Variants in QTMAN observed in about 807,000 individuals in gnomAD.
QTMAN encodes the protein tRNA-queuosine alpha-mannosyltransferase.
chr2:144,206,951 A>G, the QTMAN span, among the ~76,000 whole-genome samples: 1 of 152,208 alleles, frequency 6.6e-6, no homozygotes, highest in South Asian at 2.1e-4. Flanking sequence ...CATAAAGTCA[A>G]CTGGATTACT....
chr2:144,008,216 C>T, the QTMAN span, among the ~76,000 whole-genome samples: 170 of 151,996 alleles, frequency 1.1e-3, 1 homozygote, highest in African/African-American at 4.0e-3. Context: ...AGGAGCTCAC[C>T]GTCTATTGGA....
chr2:144,274,786 C>A, the QTMAN span, among the ~76,000 whole-genome samples: 1 of 152,150 alleles, frequency 6.6e-6, no homozygotes, highest in Admixed American at 6.5e-5. Flanking sequence ...GCCCTCCTAG[C>A]AAATTAAACC....
At chr2:144,170,998 G>A in the QTMAN span, among the ~76,000 whole-genome samples, 3 of 152,120 alleles carry the variant, frequency 2.0e-5, no homozygotes, top group Non-Finnish European at 4.4e-5. Context: ...GACTGAGGCT[G>A]AAAGGGCTGA....
the QTMAN span, among the ~76,000 whole-genome samples, chr2:144,032,380 C>T: frequency 6.6e-6 from 1 of 152,192 alleles, no homozygotes; most frequent in African/African-American, 2.4e-5. Flanking sequence ...ATAGTCTTTA[C>T]TTAATAAATA....
the QTMAN span, among the ~76,000 whole-genome samples, chr2:144,042,651 C>T: frequency 6.6e-6 from 1 of 151,520 alleles, no homozygotes; most frequent in Non-Finnish European, 1.5e-5. Context: ...TCAATCCCAG[C>T]TACTCAGGAG....
At chr2:144,016,152 T>C in the QTMAN span, among the ~76,000 whole-genome samples, 28 of 152,264 alleles carry the variant, frequency 1.8e-4, no homozygotes, top group African/African-American at 6.5e-4. Context: ...GTGCAAGAGG[T>C]TGTATCTGCA....
At chr2:144,054,466 G>A in the QTMAN span, among the ~76,000 whole-genome samples, 7 of 152,156 alleles carry the variant, frequency 4.6e-5, no homozygotes, top group African/African-American at 1.7e-4. Flanking sequence ...GAGGTTAAGT[G>A]GGTGAGCCTG....
At chr2:144,137,424 T>G in the QTMAN span, among the ~76,000 whole-genome samples, 1 of 152,052 alleles carries the variant, frequency 6.6e-6, no homozygotes, top group African/African-American at 2.4e-5. Context: ...ATGGTTTATC[T>G]CTCTCCTCCC....
At chr2:144,231,368 T>G in the QTMAN span, among the ~76,000 whole-genome samples, 1 of 152,150 alleles carries the variant, frequency 6.6e-6, no homozygotes, top group Non-Finnish European at 1.5e-5. Context: ...CTTAATATAG[T>G]AAAATCCTAG....
the QTMAN span, chr2:143,970,521 C>T: frequency 3.0e-6 from 2 of 665,574 alleles, no homozygotes; most frequent in East Asian, 2.7e-5. Context: ...GACTTTAATG[C>T]CATCGTATAA....
chr2:143,950,255 T>C, the QTMAN span, among the ~76,000 whole-genome samples: 1 of 151,730 alleles, frequency 6.6e-6, no homozygotes, highest in East Asian at 1.9e-4. Context: ...AAGATATAGG[T>C]TATCATTTAA....
At chr2:144,255,480 G>A in the QTMAN span, among the ~76,000 whole-genome samples, 2 of 152,140 alleles carry the variant, frequency 1.3e-5, no homozygotes, top group Non-Finnish European at 2.9e-5. Context: ...ATGGAACTGT[G>A]AGTCAATTAA....
chr2:144,256,284 T>C, the QTMAN span, among the ~76,000 whole-genome samples: 5 of 152,248 alleles, frequency 3.3e-5, no homozygotes, highest in African/African-American at 7.2e-5. Flanking sequence ...AGTTTTACAA[T>C]GTCACTTCAC....
At chr2:144,066,016 G>A in the QTMAN span, among the ~76,000 whole-genome samples, 1 of 152,102 alleles carries the variant, frequency 6.6e-6, no homozygotes, top group African/African-American at 2.4e-5. Flanking sequence ...AAAGTTAGGG[G>A]AGGTAAGTTC....
chr2:144,020,459 C>G, the QTMAN span, among the ~76,000 whole-genome samples: 15 of 152,196 alleles, frequency 9.9e-5, no homozygotes, highest in African/African-American at 3.6e-4. Context: ...AAGGAAAGAA[C>G]CCAGGATACA....
At chr2:144,008,502 C>T in the QTMAN span, among the ~76,000 whole-genome samples, 1 of 151,834 alleles carries the variant, frequency 6.6e-6, no homozygotes, top group Non-Finnish European at 1.5e-5. Context: ...AACATGCAAC[C>T]CAAAGAGACT....
chr2:143,957,510 A>G, the QTMAN span, among the ~76,000 whole-genome samples: 4 of 152,152 alleles, frequency 2.6e-5, no homozygotes, highest in Non-Finnish European at 5.9e-5. Context: ...CCAAATGTTA[A>G]GGTGCCAAAA....
At chr2:144,286,986 C>G in the QTMAN span, among the ~76,000 whole-genome samples, 1 of 152,148 alleles carries the variant, frequency 6.6e-6, no homozygotes, top group African/African-American at 2.4e-5. Context: ...CTCTAGAAAA[C>G]ATTTCGATGA....
At chr2:144,309,941 G>A in the QTMAN span, among the ~76,000 whole-genome samples, 9 of 152,102 alleles carry the variant, frequency 5.9e-5, no homozygotes, top group African/African-American at 1.7e-4. Context: ...TGCCAGAAAC[G>A]ACTCCAAGTC....
Sources: allele counts gnomAD v4.1 joint callset (sites outside exome capture counted in the v4.1 genomes callset), GRCh38; gene constraint gnomAD v4.1.1; transcripts MANE v1.5; gene names NCBI Gene and HGNC (gene_info 2026-07-23, HGNC 2026-07-21).